The following ANK1 variants were observed in gnomAD, a reference collection of about 807,000 sequenced individuals.
ANK1 encodes ankyrin 1.
A neutral mutation model predicts 210.4 loss-of-function variants in ANK1; 51 were observed. The ratio of observed to expected loss-of-function variants is 0.24; its 90% CI spans 0.19 to 0.31. The LOEUF (loss-of-function observed/expected upper bound fraction) is 0.31, where lower values mean the gene tolerates loss of function less well. Ranked by LOEUF, ANK1 falls within the 10% of genes least tolerant of loss-of-function variation. The pLI, the probability that ANK1 is intolerant of heterozygous loss-of-function variation, is 1.00. For missense variants in ANK1, 2,051 were observed against 2,504.4 expected (o/e 0.82, Z 3.86); for synonymous variants, 967 against 1,025.9 (o/e 0.94, Z 1.10).
Position 41,696,682 on chromosome 8 carries a change from T to G in ANK1, c.2729A>C (p.His910Pro). 1 of 1,603,548 alleles carries G rather than the reference T, an allele frequency of 6.2e-7. No homozygotes were observed. Among genetic ancestry groups the G allele is most frequent in the Non-Finnish European group, 8.5e-7 (1 of 1,179,884 alleles). ...CCCTGCGCCCGCCACTCACCCTGTA[T>G]GCACCGGGCTGGCCACCGGGCTGAT... is the stretch of plus-strand genomic sequence containing the variant. ...DNISPVASPVHTGFLVSFMVD... is the reference protein window; with the variant it reads ...DNISPVASPVPTGFLVSFMVD... The change falls in exon 25 of 43, where the codon CAT (histidine) becomes CCT (proline). Residue 910 changes from histidine to proline, a missense_variant. Transcript: ENST00000289734.
chr8:41,661,795 C>T (rs371046027), intron 41 of ANK1, 81 bp downstream of exon 41: 13 of 1,613,704 alleles, frequency 8.1e-6, no homozygotes, highest in Non-Finnish European at 1.0e-5. Context: ...GCGGGCGCCT[C>T]AGTACCTTGG....
chr8:41,656,049 G>A (rs1307377688), intron 42 of ANK1, among the ~76,000 whole-genome samples: 1 of 152,264 alleles, frequency 6.6e-6, no homozygotes, highest in Non-Finnish European at 1.5e-5. Context: ...ATGGGCCAAG[G>A]AGAGCACTGT....
intron 1 of ANK1, among the ~76,000 whole-genome samples, chr8:41,784,182 G>T (rs568114575): frequency 1.3e-5 from 2 of 152,070 alleles, no homozygotes; most frequent in Non-Finnish European, 2.9e-5. Context: ...CTTAGGGAAA[G>T]GATGGTTATT....
chr8:41,665,497 A>T (rs759914594), intron 39 of ANK1: 14 of 345,160 alleles, frequency 4.1e-5, no homozygotes, highest in Non-Finnish European at 7.4e-5. Flanking sequence ...TCCCCATGGG[A>T]ACTAGAAAGA....
chr8:41,675,047 T>G (rs1813701170), intron 37 of ANK1, among the ~76,000 whole-genome samples: 1 of 152,260 alleles, frequency 6.6e-6, no homozygotes, highest in Admixed American at 6.5e-5. Flanking sequence ...ATTATTTTTC[T>G]TATTACTCTT....
chr8:41,780,794 G>T (rs183666882), intron 1 of ANK1, among the ~76,000 whole-genome samples: 1 of 152,278 alleles, frequency 6.6e-6, no homozygotes, highest in East Asian at 1.9e-4. Flanking sequence ...ATATGTTCTC[G>T]TGTGTGTGTA....
In ANK1 at chr8:41,887,242, C is replaced by CTTTTTT. The variant is rs35112522; in HGVS notation, c.126+9107_126+9112dup. On this transcript the variant is annotated intron_variant, in intron 1 of 42. Coordinates refer to the ANK1 transcript ENST00000265709. ...TTCCTTTCTTCTTTTCTTTCCTTTC[C>CTTTTTT]TTTTTTTTTTTTTTTTTTTTTTTAG... Among the ~76,000 whole-genome samples, 21 of 80,718 alleles carry CTTTTTT rather than the reference C, an allele frequency of 2.6e-4. 1 individual carries two copies. The highest frequency in any genetic ancestry group is 5.6e-4 in the African/African-American group (10 of 17,756). 53.0% of individuals were successfully genotyped at this position (80,718 alleles called of 152,430 possible).
At chr8:41,777,615 C>G (rs1328040033) in intron 1 of ANK1, among the ~76,000 whole-genome samples, 3 of 145,898 alleles carry the variant, frequency 2.1e-5, no homozygotes, top group Admixed American at 6.7e-5. Context: ...TAAATAAAAA[C>G]AAACAAACAA....
At position 41,724,531 on chromosome 8, in the gene ANK1, A is replaced by G. The variant is rs562111995; in HGVS notation, c.636T>C (p.Ile212=). ...LSKTGFTPLH[I]AAHYENLNVA... is the part of the protein sequence containing the mutation. ...CGTTGAGGTTCTCGTAGTGAGCCGC[A>G]ATGTGCAGGGGCGTGAATCCCGTCT... is the stretch of plus-strand genomic sequence containing the variant. The change falls in exon 7 of 43, where the codon ATT becomes ATC. Residue 212 remains isoleucine (I), a synonymous_variant. Transcript: ENST00000289734. 1.3e-6 allele frequency: 2 copies of G among 1,599,194 alleles called. No homozygotes were observed. Among genetic ancestry groups the G allele is most frequent in the African/African-American group, 2.7e-5 (2 of 74,816 alleles).
rs1300782683 is a variant in ANK1, at chr8:41,693,955, G to A, written c.3475C>T (p.Pro1159Ser). 6.2e-7 allele frequency: 1 copy of A among 1,614,046 alleles called. No homozygotes were observed. Among genetic ancestry groups the A allele is most frequent in the Non-Finnish European group, 8.5e-7 (1 of 1,180,006 alleles). The change falls in exon 29 of 43, where the codon CCG becomes TCG. Residue 1159 changes from proline (P) to serine (S), a missense_variant. By Grantham distance (74) the Pro-to-Ser change is moderately conservative. Around this residue, in one of 6 missense-constraint regions of ANK1, gnomAD observed 1,413 missense variants for 1,707.4 expected, o/e 0.83. Coordinates refer to ENST00000289734, the MANE Select transcript of ANK1 (RefSeq NM_000037.4). ...IPLPPSWTDNPRDSGEGDTTS... is the reference protein window; with the variant it reads ...IPLPPSWTDNSRDSGEGDTTS... Reference sequence around the variant, plus strand: ...GTGTCTCCCTCCCCGCTGTCCCTCGGGTTGTCGGTCCAGGAAGGAGGTAGT... The same window carrying A: ...GTGTCTCCCTCCCCGCTGTCCCTCGAGTTGTCGGTCCAGGAAGGAGGTAGT...
At chr8:41,701,991 G>T in intron 21 of ANK1, 61 bp downstream of exon 21, 1 of 1,544,930 alleles carries the variant, frequency 6.5e-7, no homozygotes, top group South Asian at 1.1e-5. Flanking sequence ...AGTAACCCCA[G>T]GCACGCCTGT....
chr8:41,886,609 G>A (rs968542559), intron 1 of ANK1, among the ~76,000 whole-genome samples: 2 of 152,230 alleles, frequency 1.3e-5, no homozygotes, highest in Non-Finnish European at 2.9e-5. Context: ...CGTTCTGACG[G>A]AGGACTTGAC....
rs770279313 is a variant in ANK1, at chr8:41,725,737, C to A, written c.612+24G>T. ...GCCCACGGGCGTCCGCGGCCCAAGG[C>A]TCCTCCCTCCTCCTCGCCCTCACCT... On this transcript the variant is annotated intron_variant, in intron 6 of 42. Coordinates refer to ENST00000289734, the MANE Select transcript of ANK1 (RefSeq NM_000037.4). 10 of 1,602,024 alleles carry A rather than the reference C, an allele frequency of 6.2e-6. No homozygotes were observed. In the East Asian group the frequency reaches 1.8e-4, roughly 29 times the overall value.
intron 39 of ANK1, among the ~76,000 whole-genome samples, chr8:41,666,329 C>T (rs1810551195): frequency 6.6e-6 from 1 of 152,200 alleles, no homozygotes; most frequent in Non-Finnish European, 1.5e-5. Flanking sequence ...TATCGTCTTC[C>T]CATTTTACAC....
At chr8:41,866,312 C>T (rs1323932614) in intron 1 of ANK1, among the ~76,000 whole-genome samples, 6 of 152,200 alleles carry the variant, frequency 3.9e-5, no homozygotes, top group Non-Finnish European at 8.8e-5. Flanking sequence ...ATCTCGACTT[C>T]CCGGGTAGCT....
chr8:41,672,532 G>C lies in ANK1; in HGVS notation c.4918C>G (p.Gln1640Glu), dbSNP rs370799575. 1 of 1,614,090 alleles carries C rather than the reference G, an allele frequency of 6.2e-7. No individual in the cohort carries two copies. The highest frequency in any genetic ancestry group is 1.3e-5 in the African/African-American group (1 of 74,936). ...ATNGLIDLLE[Q>E]EEGQRSEEKL... ...TCTTCTGACCTCTGACCTTCCTCCTGTTCAAGCAAATCGATAAGGCCATTT... is the reference window on the plus strand; with the variant it reads ...TCTTCTGACCTCTGACCTTCCTCCTCTTCAAGCAAATCGATAAGGCCATTT... The change falls in exon 38 of 43, where the codon CAG becomes GAG. Residue 1640 changes from glutamine (Q) to glutamate (E), a missense_variant. Gln to Glu is a conservative substitution (Grantham distance 29, BLOSUM62 2). Coordinates refer to ENST00000289734, the MANE Select transcript of ANK1 (RefSeq NM_000037.4).
chr8:41,881,344 C>G (rs1216120102), intron 1 of ANK1, among the ~76,000 whole-genome samples: 1 of 152,220 alleles, frequency 6.6e-6, no homozygotes, highest in Non-Finnish European at 1.5e-5. Context: ...TGTTCCCATT[C>G]TAAGGCACTG....
intron 1 of ANK1, among the ~76,000 whole-genome samples, chr8:41,779,588 G>C (rs1266948927): frequency 6.6e-6 from 1 of 151,986 alleles, no homozygotes; most frequent in Non-Finnish European, 1.5e-5. Context: ...GCAGTTAGAG[G>C]CACTGGTGGA....
At chr8:41,820,171 T>TG (rs1803988156) in intron 1 of ANK1, among the ~76,000 whole-genome samples, 1 of 151,882 alleles carries the variant, frequency 6.6e-6, no homozygotes, top group Non-Finnish European at 1.5e-5. Flanking sequence ...TCTCACCTTT[T>TG]TTTTTTTAGA....
Sources: allele counts gnomAD v4.1 joint callset (sites outside exome capture counted in the v4.1 genomes callset), GRCh38; gene constraint gnomAD v4.1.1; regional missense constraint gnomAD v4.1.1; transcripts MANE v1.5; gene names NCBI Gene and HGNC (gene_info 2026-07-23, HGNC 2026-07-21).